The following ZNF385D variants were observed in gnomAD, a reference collection of about 807,000 sequenced individuals.
ZNF385D encodes zinc finger protein 659.
ZNF385D carries 15 observed loss-of-function variants against 35.8 expected under a neutral mutation model. That is an observed-to-expected ratio of 0.42 (90% CI 0.28 to 0.64). ZNF385D has a LOEUF of 0.64. Ranked by LOEUF, ZNF385D falls within the 30% of genes least tolerant of loss-of-function variation. ZNF385D has a pLI of 0.23. For missense variants in ZNF385D, 474 were observed against 494.6 expected, an observed-to-expected ratio of 0.96 and a Z score of 0.39; for synonymous variants, 212 against 186.8, an observed-to-expected ratio of 1.13 and a Z score of -1.10.
chr3:21,691,006 T>C (rs2067265536), intron 1 of ZNF385D, among the ~76,000 whole-genome samples: 1 of 152,216 alleles, frequency 6.6e-6, no homozygotes, highest in African/African-American at 2.4e-5. Context: ...CATTAAAATC[T>C]GTGGTCCCTG....
chr3:21,820,792 A>T (rs756711512), intron 3 of ZNF385D, among the ~76,000 whole-genome samples: 81 of 151,772 alleles, frequency 5.3e-4, no homozygotes, highest in Non-Finnish European at 1.1e-3. Context: ...AACCCCAAGA[A>T]GTCTGAGGAC....
At chr3:21,721,522 C>T (rs1294490768) in intron 1 of ZNF385D, among the ~76,000 whole-genome samples, 1 of 151,750 alleles carries the variant, frequency 6.6e-6, no homozygotes, top group Non-Finnish European at 1.5e-5. Context: ...TATTTTTTTG[C>T]TTTGAGTTTC....
chr3:21,800,432 G>C (rs192329410), intron 3 of ZNF385D, among the ~76,000 whole-genome samples: 54 of 152,052 alleles, frequency 3.6e-4, no homozygotes, highest in Admixed American at 3.0e-3. Context: ...CAATGTTGTA[G>C]TTTTCAGAGT....
At chr3:21,521,459 T>C (rs981613973) in intron 3 of ZNF385D, among the ~76,000 whole-genome samples, 1 of 152,204 alleles carries the variant, frequency 6.6e-6, no homozygotes, top group Admixed American at 6.5e-5. Context: ...AAGTTGCATG[T>C]ATAAATCTTC....
intron 2 of ZNF385D, among the ~76,000 whole-genome samples, chr3:21,571,035 A>AAAAG (rs2063320595): frequency 6.7e-6 from 1 of 149,638 alleles, no homozygotes; most frequent in Non-Finnish European, 1.5e-5. Context: ...CTTACACACA[A>AAAAG]AAAGTACATA....
intron 2 of ZNF385D, among the ~76,000 whole-genome samples, chr3:22,214,702 A>T (rs894572587): frequency 6.6e-6 from 1 of 151,946 alleles, no homozygotes; most frequent in Admixed American, 6.6e-5. Flanking sequence ...TAGGACGAGG[A>T]AATTCCCACC....
chr3:21,759,194 A>T (rs2070489802), intron 3 of ZNF385D, among the ~76,000 whole-genome samples: 1 of 152,062 alleles, frequency 6.6e-6, no homozygotes, highest in Admixed American at 6.6e-5. Context: ...CTGGTAAAAG[A>T]TGATATTATG....
At chr3:21,499,979 C>T (rs370644407) in intron 4 of ZNF385D, among the ~76,000 whole-genome samples, 11 of 152,214 alleles carry the variant, frequency 7.2e-5, no homozygotes, top group East Asian at 5.8e-4. Context: ...ATAGTCAATC[C>T]GACTCAATAG....
At chr3:22,236,125 T>C (rs1260360127) in intron 2 of ZNF385D, among the ~76,000 whole-genome samples, 1 of 152,084 alleles carries the variant, frequency 6.6e-6, no homozygotes, top group Admixed American at 6.6e-5. Context: ...AATTTTTAAA[T>C]GCAAACAAAG....
chr3:22,252,340 A>G (rs1010968617), intron 2 of ZNF385D, among the ~76,000 whole-genome samples: 1 of 152,066 alleles, frequency 6.6e-6, no homozygotes, highest in African/African-American at 2.4e-5. Flanking sequence ...TTTTAATCAG[A>G]AAAGAGTAAG....
intron 1 of ZNF385D, among the ~76,000 whole-genome samples, chr3:21,718,631 C>T (rs949570152): frequency 5.3e-5 from 8 of 152,182 alleles, no homozygotes; most frequent in Admixed American, 3.3e-4. Flanking sequence ...AACTAAATAG[C>T]TTGTTAGTGG....
intron 2 of ZNF385D, among the ~76,000 whole-genome samples, chr3:22,177,763 G>C (rs781505130): frequency 2.0e-5 from 3 of 152,112 alleles, no homozygotes; most frequent in Non-Finnish European, 4.4e-5. Flanking sequence ...TCCCTGGTGT[G>C]TGATGTTCCC....
intron 3 of ZNF385D, among the ~76,000 whole-genome samples, chr3:22,074,894 G>A (rs553436477): frequency 7.3e-5 from 11 of 151,650 alleles, no homozygotes; most frequent in Non-Finnish European, 1.6e-4. Flanking sequence ...TTAATTCAGT[G>A]GTTCTCAACA....
intron 2 of ZNF385D, among the ~76,000 whole-genome samples, chr3:22,214,520 A>G (rs1239667119): frequency 6.6e-6 from 1 of 152,062 alleles, no homozygotes; most frequent in Non-Finnish European, 1.5e-5. Context: ...TTCAAAAGCA[A>G]ATAGGAGAAA....
Position 22,234,074 on chromosome 3 carries a change from T to C in ZNF385D, c.107-65039A>G, listed in dbSNP as rs116681572. On this transcript the variant is annotated intron_variant, in intron 2 of 5. Transcript: ENST00000494108. ...TCTGGCAATTTTACAGTCATTCTAA[T>C]TAAAAATTTCAAAACAATTTTATCT... 5.2e-3 allele frequency among the ~76,000 whole-genome samples: 787 copies of C among 152,264 alleles called. 12 individuals carry two copies. The highest frequency in any genetic ancestry group is 0.018 in the African/African-American group (737 of 41,582).
At chr3:22,227,767 C>T (rs920129490) in intron 2 of ZNF385D, among the ~76,000 whole-genome samples, 1 of 152,140 alleles carries the variant, frequency 6.6e-6, no homozygotes, top group Admixed American at 6.5e-5. Flanking sequence ...CTATAAGTTA[C>T]AACCCATTTT....
intron 2 of ZNF385D, among the ~76,000 whole-genome samples, chr3:22,354,149 A>AT (rs1696045265): frequency 1.3e-5 from 2 of 152,110 alleles, no homozygotes; most frequent in Middle Eastern, 3.4e-3. Context: ...TGATTACTGG[A>AT]TTTTTTATAT....
At chr3:21,753,409 C>T (rs892771769), upstream of ZNF385D, among the ~76,000 whole-genome samples, 2 of 152,170 alleles carry the variant, frequency 1.3e-5, no homozygotes, top group African/African-American at 4.8e-5. Context: ...TATATGGTCA[C>T]AAATACATCA....
intron 3 of ZNF385D, among the ~76,000 whole-genome samples, chr3:22,085,450 C>G (rs1034097679): frequency 5.9e-5 from 9 of 152,294 alleles, no homozygotes; most frequent in African/African-American, 2.2e-4. Flanking sequence ...ATAAACACCT[C>G]CATGCAAATA....
Sources: allele counts gnomAD v4.1 joint callset (sites outside exome capture counted in the v4.1 genomes callset), GRCh38; gene constraint gnomAD v4.1.1; transcripts MANE v1.5; gene names NCBI Gene and HGNC (gene_info 2026-07-23, HGNC 2026-07-21).